DNM1L: variants seen among roughly 807,000 people sequenced by gnomAD.
DNM1L encodes dynamin 1L.
A neutral mutation model predicts 92.8 loss-of-function variants in DNM1L; 33 were observed. That is an observed-to-expected ratio of 0.36 (90% CI 0.27 to 0.48). DNM1L has a LOEUF of 0.48. Ranked by LOEUF, DNM1L falls within the 20% of genes least tolerant of loss-of-function variation. DNM1L has a pLI of 0.99. For missense variants in DNM1L, 485 were observed against 888.8 expected, an observed-to-expected ratio of 0.55 and a Z score of 5.78; for synonymous variants, 284 against 305.0, an observed-to-expected ratio of 0.93 and a Z score of 0.72.
chr12:32,701,456 G>A lies in DNM1L; in HGVS notation c.144G>A (p.Arg48=), dbSNP rs1227823792. The A allele has an allele frequency of 1.2e-6, 2 of 1,613,658 alleles. No homozygotes were observed. The highest frequency in any genetic ancestry group is 1.1e-5 in the South Asian group (1 of 91,076). ...CAGTGCTAGAAAGCCTGGTGGGGAG[G>A]GACCTGCTTCCCAGAGGTACTGGAA... ...KSSVLESLVG[R]DLLPRGTGIV... is the part of the protein sequence containing the mutation. The change falls in exon 2 of 20, where the codon AGG becomes AGA. Residue 48 remains arginine, a synonymous_variant. Transcript: ENST00000549701.
intron 1 of DNM1L, among the ~76,000 whole-genome samples, chr12:32,694,803 G>A (rs1952374426): frequency 2.0e-5 from 3 of 152,204 alleles, no homozygotes; most frequent in Non-Finnish European, 2.9e-5. Context: ...GCAGAAGGAA[G>A]CAGTGGAACT....
In DNM1L at chr12:32,714,475, T is replaced by C. The variant is rs1175110628; in HGVS notation, c.619+1104T>C. ...TTTTAGTAGAGACGGGGTTTCACCG[T>C]GTTAGCCAGGATGGTCTCGATCTCC... On this transcript the variant is annotated intron_variant, in intron 6 of 19. Transcript: ENST00000549701. Among the ~76,000 whole-genome samples, 16 of 151,652 alleles carry C rather than the reference T, an allele frequency of 1.1e-4. No individual in the cohort carries two copies. The East Asian group carries it at 3.1e-3, about 30-fold the overall frequency.
At position 32,744,414 on chromosome 12, in the gene DNM1L, T is replaced by TGAAA; in HGVS notation, c.*1009_*1012dup. The stretch of plus-strand genomic sequence containing the variant: ...AATAGTATGAAAGTACTGGAGGAGC[T>TGAAA]GAAAGAAAAACACCCAAGGCTGGGC... On this transcript the variant is annotated 3_prime_UTR_variant, in exon 20 of 20. Transcript: ENST00000549701. 2 of 160,412 alleles carry TGAAA rather than the reference T, an allele frequency of 1.2e-5. No homozygotes were observed. The highest frequency in any genetic ancestry group is 2.7e-5 in the Non-Finnish European group (2 of 74,102). The allele number at this position is 160,412 out of a possible 1,614,324, so 9.9% of individuals were successfully genotyped here. A position where few individuals can be genotyped will look rare whatever the true frequency, so the allele number is the denominator to read the frequency against.
chr12:32,708,858 AT>A (rs1478049463), intron 4 of DNM1L, among the ~76,000 whole-genome samples: 1 of 151,618 alleles, frequency 6.6e-6, no homozygotes, highest in Non-Finnish European at 1.5e-5. Context: ...CTTTATTCCT[AT>A]TATTTTTCTC....
Position 32,717,432 on chromosome 12 carries a change from T to C in DNM1L, c.620-1211T>C, listed in dbSNP as rs1299312350. 3.3e-4 allele frequency among the ~76,000 whole-genome samples: 33 copies of C among 99,050 alleles called. No homozygotes were observed. In the South Asian group the frequency reaches 8.2e-3, roughly 25 times the overall value. The allele number at this position is 99,050 out of a possible 152,430, so 65.0% of individuals were successfully genotyped here. ...ATATATATTTTAAATATATACTATA[T>C]ATATTTTAAATATATACTATATATA... On this transcript the variant is annotated intron_variant, in intron 6 of 19. Coordinates refer to ENST00000549701, the MANE Select transcript of DNM1L (RefSeq NM_012062.5).
Position 32,737,903 on chromosome 12 carries a change from G to A in DNM1L, c.1635G>A (p.Gln545=). Residue 545 remains glutamine, a synonymous_variant, in exon 15 of 20, where the codon CAG becomes CAA. Coordinates refer to ENST00000549701, the MANE Select transcript of DNM1L (RefSeq NM_012062.5). ...CAAGTGCTTTGGCACCTGCCTCCCA[G>A]GAGCCCTCCCCCGCTGCTTCTGCTG... is the stretch of plus-strand genomic sequence containing the variant. ...KVPSALAPAS[Q]EPSPAASAEA... is the part of the protein sequence containing the mutation. The A allele has an allele frequency of 1.2e-6, 2 of 1,613,938 alleles. No homozygotes were observed. The highest frequency in any genetic ancestry group is 1.7e-6 in the Non-Finnish European group (2 of 1,179,972).
chr12:32,725,360 T>C (rs1434901368), intron 9 of DNM1L: 1 of 152,180 alleles, frequency 6.6e-6, no homozygotes, highest in African/African-American at 2.4e-5. Context: ...AAGCAGAAGG[T>C]AGACCCTACC....
chr12:32,710,257 G>C (rs1418297246), intron 4 of DNM1L, among the ~76,000 whole-genome samples: 1 of 152,104 alleles, frequency 6.6e-6, no homozygotes, highest in Non-Finnish European at 1.5e-5. Flanking sequence ...ACACATTCTT[G>C]CCACTTGATA....
chr12:32,737,223 A>T, intron 14 of DNM1L, 62 bp downstream of exon 14: 1 of 1,562,028 alleles, frequency 6.4e-7, no homozygotes, highest in Non-Finnish European at 8.8e-7. Flanking sequence ...AGCTCAGAAT[A>T]TTACTCAGTC....
intron 9 of DNM1L, among the ~76,000 whole-genome samples, chr12:32,724,592 AAATATAT>A (rs1288585096): frequency 0.025 from 956 of 38,608 alleles, 2 homozygotes; most frequent in Non-Finnish European, 0.047. Flanking sequence ...AAAAAAAAAA[AAATATAT>A]ATATATATAT....
At chr12:32,679,955 G>A (rs897601927) in intron 1 of DNM1L, 1 of 985,510 alleles carries the variant, frequency 1.0e-6, no homozygotes, top group Non-Finnish European at 1.2e-6. Flanking sequence ...AGTTAGTTTT[G>A]GAATCGCTCT....
chr12:32,743,235 A>T, intron 19 of DNM1L, 119 bp from the exon 20 acceptor site: 1 of 840,854 alleles, frequency 1.2e-6, no homozygotes. Context: ...GATATTGGTT[A>T]GTATAAACTG....
chr12:32,686,578 C>G (rs1289164085), intron 1 of DNM1L, among the ~76,000 whole-genome samples: 2 of 152,112 alleles, frequency 1.3e-5, no homozygotes, highest in Non-Finnish European at 1.5e-5. Flanking sequence ...TGCCTTTTAG[C>G]TGTTGTGAAT....
At chr12:32,700,821 A>T (rs11052191) in intron 1 of DNM1L, among the ~76,000 whole-genome samples, 1 of 152,102 alleles carries the variant, frequency 6.6e-6, no homozygotes, top group African/African-American at 2.4e-5. Flanking sequence ...ACTACATATT[A>T]TAGGCATGAT....
chr12:32,682,576 G>T (rs1329957993), intron 1 of DNM1L, among the ~76,000 whole-genome samples: 2 of 152,086 alleles, frequency 1.3e-5, no homozygotes. Context: ...GTGAATCATT[G>T]GATTTTAAAA....
chr12:32,682,051 A>AT (rs1302110741), intron 1 of DNM1L, among the ~76,000 whole-genome samples: 4 of 152,008 alleles, frequency 2.6e-5, no homozygotes, highest in African/African-American at 9.7e-5. Flanking sequence ...CATATTATCC[A>AT]TACCTTAAAT....
rs1241198204 is a variant in DNM1L, at chr12:32,745,357, C to T, written c.*1947C>T. ...CAGATTTCAAATTGAAAATTAAAGA[C>T]ATGCTATGGTAATGCACTTGCTAGT... is the stretch of plus-strand genomic sequence containing the variant. On this transcript the variant is annotated 3_prime_UTR_variant, in exon 20 of 20. Transcript: ENST00000549701. 1.3e-5 allele frequency: 3 copies of T among 228,122 alleles called. No individual in the cohort carries two copies. Among genetic ancestry groups the T allele is most frequent in the African/African-American group, 7.1e-5 (3 of 42,270 alleles). The allele number at this position is 228,122 out of a possible 1,614,324, so 14.1% of individuals were successfully genotyped here.
intron 1 of DNM1L, among the ~76,000 whole-genome samples, 169 bp from the exon 2 acceptor site, chr12:32,701,246 A>G (rs185533197): frequency 2.6e-5 from 4 of 152,050 alleles, no homozygotes; most frequent in African/African-American, 9.6e-5. Context: ...ATTGCACTCC[A>G]GCCTAGCCAA....
intron 1 of DNM1L, among the ~76,000 whole-genome samples, chr12:32,699,195 G>A (rs548078316): frequency 6.6e-6 from 1 of 152,252 alleles, no homozygotes; most frequent in South Asian, 2.1e-4. Flanking sequence ...TGTAAGGAGA[G>A]AGAGACATAA....
Sources: gnomAD v4.1 joint callset for allele counts (sites outside exome capture counted in the v4.1 genomes callset) on GRCh38, gnomAD v4.1.1 for gene constraint, MANE v1.5 for transcripts, NCBI Gene and HGNC (gene_info 2026-07-23, HGNC 2026-07-21) for gene names.